Variants in FER observed in about 807,000 individuals in gnomAD.
FER encodes the protein FER tyrosine kinase.
FER carries 63 observed loss-of-function variants against 111.0 expected under a neutral mutation model. The observed-to-expected ratio is 0.57, with a 90% confidence interval of 0.46 to 0.70. The LOEUF (loss-of-function observed/expected upper bound fraction) is 0.70, where lower values mean the gene tolerates loss of function less well. Ranked by LOEUF, FER falls within the 30% of genes least tolerant of loss-of-function variation. The pLI is 0.00. For synonymous variants in FER, 327 were observed against 313.9 expected, an observed-to-expected ratio of 1.04 and a Z score of -0.44; for missense variants, 914 against 954.0, an observed-to-expected ratio of 0.96 and a Z score of 0.55.
chr5:109,031,283 T>G (rs921241319), intron 13 of FER, among the ~76,000 whole-genome samples: 1 of 152,120 alleles, frequency 6.6e-6, no homozygotes, highest in African/African-American at 2.4e-5. Flanking sequence ...CCCAAACCAA[T>G]TCACCCTTCT....
At chr5:109,010,554 G>C (rs2149802096) in intron 13 of FER, among the ~76,000 whole-genome samples, 1 of 152,156 alleles carries the variant, frequency 6.6e-6, no homozygotes, top group African/African-American at 2.4e-5. Context: ...ATCAACACCT[G>C]GATCTCCTGT....
chr5:108,862,364 A>G (rs371404043), intron 5 of FER, among the ~76,000 whole-genome samples: 1 of 152,154 alleles, frequency 6.6e-6, no homozygotes, highest in East Asian at 1.9e-4. Flanking sequence ...TTGTATGTTT[A>G]GTGAATCATT....
chr5:109,018,251 G>GT (rs1353894510), intron 13 of FER, among the ~76,000 whole-genome samples: 1 of 151,804 alleles, frequency 6.6e-6, no homozygotes, highest in Non-Finnish European at 1.5e-5. Flanking sequence ...GAAAGTATCA[G>GT]TATCAGTGAT....
intron 17 of FER, among the ~76,000 whole-genome samples, chr5:109,123,411 C>T (rs1421447144): frequency 6.6e-6 from 1 of 151,864 alleles, no homozygotes; most frequent in Non-Finnish European, 1.5e-5. Context: ...CCACCTCAGC[C>T]TCCAAAGTGC....
At chr5:108,939,877 A>T (rs531552713) in intron 10 of FER, among the ~76,000 whole-genome samples, 1 of 152,156 alleles carries the variant, frequency 6.6e-6, no homozygotes, top group South Asian at 2.1e-4. Flanking sequence ...AGTATTATTG[A>T]TGCATGTACA....
chr5:108,863,141 A>G (rs949376348), intron 5 of FER, among the ~76,000 whole-genome samples: 1 of 151,864 alleles, frequency 6.6e-6, no homozygotes, highest in African/African-American at 2.4e-5. Context: ...TGTTTGTTTG[A>G]CAGAGTCTAG....
chr5:109,088,589 G>A (rs1439282501), intron 16 of FER, among the ~76,000 whole-genome samples: 2 of 152,064 alleles, frequency 1.3e-5, no homozygotes, highest in African/African-American at 4.8e-5. Context: ...AAGATACAAA[G>A]ATGAAAAGTA....
intron 13 of FER, among the ~76,000 whole-genome samples, chr5:108,981,698 G>A (rs1034422153): frequency 6.6e-6 from 1 of 152,040 alleles, no homozygotes; most frequent in Non-Finnish European, 1.5e-5. Context: ...ATCTTACGAG[G>A]TGGATATTAT....
At chr5:109,037,905 G>A (rs1454550378) in intron 14 of FER, among the ~76,000 whole-genome samples, 1 of 151,878 alleles carries the variant, frequency 6.6e-6, no homozygotes, top group Non-Finnish European at 1.5e-5. Flanking sequence ...GGGATTTCAG[G>A]ATTGTATATA....
intron 5 of FER, among the ~76,000 whole-genome samples, chr5:108,863,987 T>C (rs538271461): frequency 1.3e-3 from 202 of 152,280 alleles, no homozygotes; most frequent in African/African-American, 4.3e-3. Flanking sequence ...TTTTAGAACA[T>C]GTTTCTCTTC....
intron 8 of FER, among the ~76,000 whole-genome samples, chr5:108,877,179 C>T (rs1265002378): frequency 6.6e-6 from 1 of 152,058 alleles, no homozygotes; most frequent in African/African-American, 2.4e-5. Context: ...CTTGCTTTTA[C>T]CAAATCTGTT....
chr5:109,045,778 C>A (rs1269814417), intron 15 of FER, among the ~76,000 whole-genome samples: 1 of 152,218 alleles, frequency 6.6e-6, no homozygotes, highest in Non-Finnish European at 1.5e-5. Flanking sequence ...CTTGGCCACA[C>A]ACAGTTATCT....
chr5:108,855,036 A>T (rs1344380874), intron 5 of FER, among the ~76,000 whole-genome samples: 13 of 151,744 alleles, frequency 8.6e-5, no homozygotes, highest in Admixed American at 8.6e-4. Context: ...GACTGATTCC[A>T]AGATTTTTGG....
intron 13 of FER, among the ~76,000 whole-genome samples, chr5:109,032,649 C>G (rs1769806752): frequency 6.6e-6 from 1 of 152,146 alleles, no homozygotes; most frequent in Non-Finnish European, 1.5e-5. Flanking sequence ...TTCTCAGTGT[C>G]ACTCACGAAT....
chr5:109,047,216 T>C lies in FER; in HGVS notation c.1924+18T>C. ...GGTTTCAGGTAATGTGATCTGAGAA[T>C]TTTTGCATGATGACATTTTAATGTC... On this transcript the variant is annotated intron_variant, in intron 16 of 19. Transcript: ENST00000281092. 7.1e-7 allele frequency: 1 copy of C among 1,414,560 alleles called. No individual in the cohort carries two copies. The allele number at this position is 1,414,560 out of a possible 1,614,324, so 87.6% of individuals were successfully genotyped here. A position where few individuals can be genotyped will look rare whatever the true frequency, so the allele number is the denominator to read the frequency against.
chr5:108,967,230 T>C (rs1396320650), intron 13 of FER, among the ~76,000 whole-genome samples: 5 of 152,246 alleles, frequency 3.3e-5, no homozygotes, highest in African/African-American at 9.6e-5. Context: ...AAGGATACAC[T>C]GACAATTGAA....
intron 13 of FER, among the ~76,000 whole-genome samples, chr5:109,009,666 A>G (rs1476736694): frequency 6.6e-6 from 1 of 152,202 alleles, no homozygotes; most frequent in Non-Finnish European, 1.5e-5. Flanking sequence ...TTATTCCTGT[A>G]TAAGCCACCA....
chr5:108,845,372 G>A (rs957143438), intron 5 of FER, among the ~76,000 whole-genome samples: 1 of 151,454 alleles, frequency 6.6e-6, no homozygotes, highest in Non-Finnish European at 1.5e-5. Context: ...CAGTAGAGAT[G>A]GGGTTTCACC....
intron 3 of FER, among the ~76,000 whole-genome samples, chr5:108,823,895 G>A (rs1759162474): frequency 6.6e-6 from 1 of 152,054 alleles, no homozygotes; most frequent in Non-Finnish European, 1.5e-5. Flanking sequence ...TCTTCTAGGA[G>A]TTTTATGGAT....
Sources: allele counts gnomAD v4.1 joint callset (sites outside exome capture counted in the v4.1 genomes callset), GRCh38; gene constraint gnomAD v4.1.1; transcripts MANE v1.5; gene names NCBI Gene and HGNC (gene_info 2026-07-23, HGNC 2026-07-21).